The following CDH13 variants were observed in gnomAD, a reference collection of about 807,000 sequenced individuals.
The protein encoded by CDH13 is cadherin-13.
Under a neutral mutation model 63.8 loss-of-function variants are expected in CDH13, and 24 were observed. The observed-to-expected ratio is 0.38, with a 90% CI of 0.27 to 0.53. The LOEUF is 0.53. Among genes scored for constraint, CDH13 ranks in the 20% least tolerant of loss-of-function variants. The probability of loss-of-function intolerance (pLI) is 0.85; values close to 1 mark genes in which losing one functional copy is unlikely to be tolerated. For missense variants in CDH13, 1,049 were observed against 903.1 expected (o/e 1.16, Z -2.07); for synonymous variants, 503 against 355.3 (o/e 1.42, Z -4.67).
chr16:82,762,267 G>C (rs1303485579), intron 1 of CDH13, among the ~76,000 whole-genome samples: 1 of 152,068 alleles, frequency 6.6e-6, no homozygotes, highest in Non-Finnish European at 1.5e-5. Flanking sequence ...CTGATGCTGA[G>C]GATTTTTAAG....
In CDH13 at chr16:83,661,482, C is replaced by CAAA. The variant is rs35875178; in HGVS notation, c.1102-9292_1102-9290dup. Among the ~76,000 whole-genome samples the CAAA allele has an allele frequency of 3.7e-3, 428 of 116,800 alleles. 5 individuals carry two copies. Among genetic ancestry groups the CAAA allele is most frequent in the African/African-American group, 0.012 (408 of 33,032 alleles). 76.6% of individuals were successfully genotyped at this position (116,800 alleles called of 152,430 possible). On this transcript the variant is annotated intron_variant, in intron 8 of 13. Coordinates refer to ENST00000567109, the MANE Select transcript of CDH13 (RefSeq NM_001257.5). Reference sequence around the variant, plus strand: ...TGGGTGACAGAGCGAGACCCTGTCTCAAAAAAAAAAAAAAAAAATCTTGTT... The same window carrying CAAA: ...TGGGTGACAGAGCGAGACCCTGTCTCAAAAAAAAAAAAAAAAAAAAATCTTGTT...
At chr16:82,820,145 A>T (rs1016938618) in intron 1 of CDH13, among the ~76,000 whole-genome samples, 13 of 152,122 alleles carry the variant, frequency 8.5e-5, no homozygotes, top group Non-Finnish European at 1.2e-4. Flanking sequence ...AATGTGGGGA[A>T]GTGGGAATGA....
chr16:83,651,962 G>A (rs755960324), intron 8 of CDH13, among the ~76,000 whole-genome samples: 1 of 152,144 alleles, frequency 6.6e-6, no homozygotes, highest in African/African-American at 2.4e-5. Context: ...TTTTCATTAT[G>A]TTACTCCACC....
intron 7 of CDH13, among the ~76,000 whole-genome samples, chr16:83,540,111 C>A (rs572602475): frequency 1.4e-5 from 2 of 146,936 alleles, no homozygotes; most frequent in African/African-American, 5.0e-5. Flanking sequence ...TGTCACCAGG[C>A]TGGAGTTCAG....
At chr16:83,259,517 A>G (rs1295499641) in intron 5 of CDH13, among the ~76,000 whole-genome samples, 2 of 152,304 alleles carry the variant, frequency 1.3e-5, no homozygotes, top group Middle Eastern at 3.4e-3. Flanking sequence ...GGTTGATTAC[A>G]TTATGTTACA....
intron 8 of CDH13, among the ~76,000 whole-genome samples, chr16:83,617,750 C>T (rs1909418716): frequency 6.6e-6 from 1 of 151,592 alleles, no homozygotes; most frequent in African/African-American, 2.4e-5. Context: ...ATGCACATAT[C>T]CTAATATGCA....
chr16:83,411,767 A>G (rs779426511), intron 6 of CDH13, among the ~76,000 whole-genome samples: 8 of 152,192 alleles, frequency 5.3e-5, no homozygotes, highest in Non-Finnish European at 8.8e-5. Flanking sequence ...TAGTGTGATG[A>G]TGCCAGGAAG....
intron 6 of CDH13, among the ~76,000 whole-genome samples, chr16:83,438,600 G>A (rs1220661467): frequency 2.0e-5 from 3 of 152,180 alleles, no homozygotes; most frequent in Non-Finnish European, 2.9e-5. Flanking sequence ...ATGGATAGGA[G>A]ACATTATTTA....
intron 3 of CDH13, among the ~76,000 whole-genome samples, chr16:83,075,176 G>A (rs553535803): frequency 6.6e-6 from 1 of 152,292 alleles, no homozygotes; most frequent in South Asian, 2.1e-4. Flanking sequence ...TTCCATGAAT[G>A]CACCCTTTAT....
chr16:82,881,709 A>G (rs1464301264), intron 2 of CDH13, among the ~76,000 whole-genome samples: 1 of 152,188 alleles, frequency 6.6e-6, no homozygotes, highest in African/African-American at 2.4e-5. Context: ...GACAGCTTCC[A>G]TAGTCACTAT....
intron 11 of CDH13, among the ~76,000 whole-genome samples, chr16:83,758,415 T>A (rs1241376562): frequency 1.3e-5 from 2 of 152,140 alleles, no homozygotes; most frequent in Admixed American, 6.5e-5. Context: ...CTGATTTTTT[T>A]AAAATAATGT....
At chr16:83,134,828 T>C (rs988841675) in intron 4 of CDH13, among the ~76,000 whole-genome samples, 10 of 152,202 alleles carry the variant, frequency 6.6e-5, no homozygotes, top group African/African-American at 2.2e-4. Flanking sequence ...GCCAAATACA[T>C]ATATATGCAA....
At chr16:83,223,992 C>G (rs1019119610) in intron 5 of CDH13, among the ~76,000 whole-genome samples, 3 of 152,190 alleles carry the variant, frequency 2.0e-5, no homozygotes, top group African/African-American at 7.2e-5. Context: ...TCCCTTCCCA[C>G]TCTTCCCCCT....
intron 1 of CDH13, among the ~76,000 whole-genome samples, chr16:82,830,168 C>G (rs777663086): frequency 3.9e-5 from 6 of 152,182 alleles, no homozygotes; most frequent in South Asian, 2.1e-4. Flanking sequence ...CCCATTCTGT[C>G]CACGTGTGAA....
intron 8 of CDH13, among the ~76,000 whole-genome samples, chr16:83,662,933 C>A (rs76908038): frequency 0.082 from 12,425 of 152,150 alleles, 731 homozygotes; most frequent in Non-Finnish European, 0.12. Flanking sequence ...GAGAGCACTT[C>A]CTATTTGTCT....
At chr16:83,583,463 C>T (rs1392830761) in intron 7 of CDH13, among the ~76,000 whole-genome samples, 1 of 152,224 alleles carries the variant, frequency 6.6e-6, no homozygotes, top group Non-Finnish European at 1.5e-5. Context: ...CACATCTATT[C>T]TGTAGTTTTA....
At chr16:82,936,646 C>T (rs1004769130) in intron 2 of CDH13, among the ~76,000 whole-genome samples, 28 of 152,222 alleles carry the variant, frequency 1.8e-4, no homozygotes, top group African/African-American at 5.5e-4. Flanking sequence ...ACTAGTCCCC[C>T]GAGTGGTGAT....
intron 8 of CDH13, among the ~76,000 whole-genome samples, chr16:83,612,367 T>A (rs1430389241): frequency 6.6e-6 from 1 of 152,066 alleles, no homozygotes; most frequent in East Asian, 1.9e-4. Flanking sequence ...TATTTCTTTC[T>A]GTCATTTTTT....
At chr16:82,764,007 C>T (rs984578488) in intron 1 of CDH13, among the ~76,000 whole-genome samples, 5 of 152,184 alleles carry the variant, frequency 3.3e-5, no homozygotes, top group African/African-American at 1.2e-4. Context: ...GGTAGAGTGA[C>T]AAGGACTGGT....
Sources: gnomAD v4.1 joint callset for allele counts (sites outside exome capture counted in the v4.1 genomes callset) on GRCh38, gnomAD v4.1.1 for gene constraint, MANE v1.5 for transcripts, NCBI Gene and HGNC (gene_info 2026-07-23, HGNC 2026-07-21) for gene names.